Variants in GRAMD1B observed in about 807,000 individuals in gnomAD.
GRAMD1B encodes the protein protein Aster-B.
In GRAMD1B, 37 loss-of-function variants were observed where a neutral mutation model predicts 99.7. That is an observed-to-expected ratio of 0.37 (90% CI 0.29 to 0.49). GRAMD1B has a LOEUF of 0.49. GRAMD1B is among the 20% of genes least tolerant of loss of function. The probability of loss-of-function intolerance (pLI) is 0.98; values close to 1 mark genes in which losing one functional copy is unlikely to be tolerated. For synonymous variants in GRAMD1B, 427 were observed against 387.6 expected (o/e 1.10, Z -1.19); for missense variants, 888 against 1,009.2 (o/e 0.88, Z 1.63).
In GRAMD1B at chr11:123,510,160, G is replaced by C. The variant is rs1262789785; in HGVS notation, c.452+29267G>C. On this transcript the variant is annotated intron_variant, in intron 2 of 19. Coordinates refer to ENST00000635736, the MANE Select transcript of GRAMD1B (RefSeq NM_001387025.1). The surrounding 1 kb of genome is among the most constrained non-coding windows in gnomAD (Gnocchi z 4.3). ...CCTTTCTGCTTCCAGCTGAGTGCCT[G>C]CACCTTCTTGAGGTTCTCACACCCG... The C allele has an allele frequency of 6.5e-6, 1 of 152,846 alleles. No homozygotes were observed. The highest frequency in any genetic ancestry group is 2.4e-5 in the African/African-American group (1 of 41,582). The allele number at this position is 152,846 out of a possible 1,614,324, so 9.5% of individuals were successfully genotyped here.
intron 2 of GRAMD1B, among the ~76,000 whole-genome samples, chr11:123,498,148 TC>T (rs1462497089): frequency 6.6e-6 from 1 of 152,088 alleles, no homozygotes; most frequent in African/African-American, 2.4e-5. Context: ...TCCCCTCTGG[TC>T]CAGAGCAGGT....
chr11:123,363,429 G>A (rs1946211804), intron 1 of GRAMD1B, among the ~76,000 whole-genome samples: 1 of 152,172 alleles, frequency 6.6e-6, no homozygotes, highest in African/African-American at 2.4e-5. Context: ...ATAACCGCCT[G>A]TAAAGAACTG....
intron 1 of GRAMD1B, among the ~76,000 whole-genome samples, chr11:123,396,537 A>G (rs1947471680): frequency 6.6e-6 from 1 of 152,124 alleles, no homozygotes; most frequent in Non-Finnish European, 1.5e-5. Flanking sequence ...CAGCCTCCCA[A>G]AGTGCTGGGA....
chr11:123,410,221 A>G (rs1400087307), intron 1 of GRAMD1B, among the ~76,000 whole-genome samples: 2 of 152,154 alleles, frequency 1.3e-5, no homozygotes, highest in Non-Finnish European at 2.9e-5. Flanking sequence ...ACAAAAACAA[A>G]AAAACAGAAA....
intron 8 of GRAMD1B, among the ~76,000 whole-genome samples, chr11:123,601,603 A>G (rs1014296801): frequency 6.6e-6 from 1 of 151,976 alleles, no homozygotes; most frequent in African/African-American, 2.4e-5. Context: ...CTCTAGCCCA[A>G]ACAAATGGCT....
intron 1 of GRAMD1B, among the ~76,000 whole-genome samples, chr11:123,453,463 C>T (rs551898878): frequency 5.1e-4 from 78 of 152,110 alleles, no homozygotes; most frequent in Admixed American, 1.3e-3. Context: ...ATTACAGGCA[C>T]GCGCCACCAC....
At chr11:123,433,902 C>G (rs1298108074) in intron 1 of GRAMD1B, among the ~76,000 whole-genome samples, 1 of 151,936 alleles carries the variant, frequency 6.6e-6, no homozygotes, top group Admixed American at 6.6e-5. Context: ...GTAGTTCAGG[C>G]AGTTATTTTA....
intron 7 of GRAMD1B, among the ~76,000 whole-genome samples, chr11:123,599,903 A>G (rs1053045459): frequency 1.3e-5 from 2 of 152,216 alleles, no homozygotes; most frequent in African/African-American, 4.8e-5. Flanking sequence ...GTTTAAGTGA[A>G]ATAGCATTTG....
At chr11:123,432,003 A>T (rs1404953052) in intron 1 of GRAMD1B, 2 of 398,366 alleles carry the variant, frequency 5.0e-6, no homozygotes, top group South Asian at 2.5e-4. Flanking sequence ...CTACATATTT[A>T]CTTTGAGACT....
chr11:123,511,103 T>A (rs1940964891), intron 2 of GRAMD1B, among the ~76,000 whole-genome samples: 1 of 152,216 alleles, frequency 6.6e-6, no homozygotes, highest in African/African-American at 2.4e-5. Context: ...CTTCTTCCTC[T>A]GCTTCTTCTC....
At chr11:123,485,202 AT>A (rs1951823899) in intron 2 of GRAMD1B, among the ~76,000 whole-genome samples, 2 of 152,232 alleles carry the variant, frequency 1.3e-5, no homozygotes, top group African/African-American at 4.8e-5. Flanking sequence ...CAATTGTAAC[AT>A]GAAAGATTGT....
chr11:123,548,294 AT>A (rs1945222036), intron 2 of GRAMD1B, among the ~76,000 whole-genome samples: 6 of 22,344 alleles, frequency 2.7e-4, no homozygotes, highest in South Asian at 3.1e-3. Context: ...GTGCCAAAAT[AT>A]ATATATATAT....
rs529775552 is a variant in GRAMD1B, at chr11:123,431,099, C to T, written c.307C>T (p.Arg103Cys). 9 of 703,052 alleles carry T rather than the reference C, an allele frequency of 1.3e-5. No homozygotes were observed. Among genetic ancestry groups the T allele is most frequent in the African/African-American group, 3.5e-5 (2 of 57,398 alleles). 43.6% of individuals were successfully genotyped at this position (703,052 alleles called of 1,614,324 possible). A position where few individuals can be genotyped will look rare whatever the true frequency, so the allele number is the denominator to read the frequency against. Residue 103 changes from arginine (R) to cysteine (C), a missense_variant, in exon 1 of 20, where the codon CGC becomes TGC. Arg to Cys is a radical substitution (Grantham distance 180). This residue lies in a region of GRAMD1B where 233 missense variants were observed against 154.6 expected (regional missense o/e 1.51). Transcript: ENST00000635736. ...CTGCTCCACACCCAGCGCGTCCCCGCGCCGAAAACGCTTCCTCCTCCGCAA... is the reference window on the plus strand; with the variant it reads ...CTGCTCCACACCCAGCGCGTCCCCGTGCCGAAAACGCTTCCTCCTCCGCAA... ...SNCSTPSASP[R>C]RKRFLLRKWL...
intron 2 of GRAMD1B, among the ~76,000 whole-genome samples, chr11:123,565,340 T>C (rs911398283): frequency 1.3e-5 from 2 of 151,922 alleles, no homozygotes; most frequent in Non-Finnish European, 2.9e-5. Context: ...CAACTGGCCA[T>C]AGAGGCAATT....
At position 123,447,684 on chromosome 11, in the gene GRAMD1B, T is replaced by C. The variant is rs114113752; in HGVS notation, c.374+16518T>C. On this transcript the variant is annotated intron_variant, in intron 1 of 19. Transcript: ENST00000635736. ...GAGTGTACATTTCTGTTTCATCTTG[T>C]TAGACAAAATTAAGCACATGTGTCT... Among the ~76,000 whole-genome samples the C allele has an allele frequency of 3.3e-3, 499 of 152,356 alleles. 2 individuals carry two copies. The highest frequency in any genetic ancestry group is 0.011 in the African/African-American group (456 of 41,578).
chr11:123,456,488 A>G (rs1950124975), intron 1 of GRAMD1B, among the ~76,000 whole-genome samples: 2 of 152,074 alleles, frequency 1.3e-5, no homozygotes, highest in Non-Finnish European at 2.9e-5. Flanking sequence ...AAAAGAAAAA[A>G]TTGGGGCCAA....
intron 2 of GRAMD1B, 86 bp downstream of exon 2, chr11:123,480,979 G>A (rs1271848100): frequency 5.0e-6 from 2 of 397,624 alleles, no homozygotes; most frequent in Non-Finnish European, 8.9e-6. Flanking sequence ...CCTCTGCTCT[G>A]TGCAAAAAAA....
At chr11:123,471,858 G>A (rs1565527819) in intron 1 of GRAMD1B, among the ~76,000 whole-genome samples, 1 of 152,210 alleles carries the variant, frequency 6.6e-6, no homozygotes, top group Non-Finnish European at 1.5e-5. Context: ...TACATTTGGA[G>A]AGGGGCCAAG....
rs1291947857 is a variant in GRAMD1B, at chr11:123,549,435, G to A, written c.453-27932G>A. Among the ~76,000 whole-genome samples the A allele has an allele frequency of 3.3e-5, 5 of 152,180 alleles. No homozygotes were observed. In the East Asian group the frequency reaches 5.8e-4, roughly 18 times the overall value. ...CGGGTGCCTGTAGTCCCAGCTACTC[G>A]GGAAGCTGAGGCAGGAGAACGGCGT... On this transcript the variant is annotated intron_variant, in intron 2 of 19. Transcript: ENST00000635736.
Sources: allele counts gnomAD v4.1 joint callset (sites outside exome capture counted in the v4.1 genomes callset), GRCh38; gene constraint gnomAD v4.1.1; regional missense constraint gnomAD v4.1.1; non-coding constraint Gnocchi (gnomAD v3.1); transcripts MANE v1.5; gene names NCBI Gene and HGNC (gene_info 2026-07-23, HGNC 2026-07-21).